L3MBTL3: variants seen among roughly 807,000 people sequenced by gnomAD.
The protein encoded by L3MBTL3 is L3MBTL histone methyl-lysine binding protein 3, also known as lethal(3)malignant brain tumor-like protein 3.
A neutral mutation model predicts 102.3 loss-of-function variants in L3MBTL3; 27 were observed. The ratio of observed to expected loss-of-function variants is 0.26; its 90% CI spans 0.19 to 0.36. L3MBTL3 has a LOEUF of 0.36. L3MBTL3 is among the 10% of genes least tolerant of loss of function. L3MBTL3 has a pLI of 1.00. For synonymous variants in L3MBTL3, 340 were observed against 320.9 expected (o/e 1.06, Z -0.64); for missense variants, 798 against 955.3 (o/e 0.84, Z 2.17).
At chr6:130,138,162 A>G (rs1787905293) in intron 22 of L3MBTL3, 1 of 152,230 alleles carries the variant, frequency 6.6e-6, no homozygotes, top group Non-Finnish European at 1.5e-5. Flanking sequence ...GAAAATCTTA[A>G]GAAGTAGCAA....
intron 1 of L3MBTL3, among the ~76,000 whole-genome samples, chr6:130,019,818 T>C (rs1035525244): frequency 2.1e-4 from 31 of 148,474 alleles, no homozygotes; most frequent in African/African-American, 6.6e-4. Context: ...GGAAAGTGCT[T>C]TGGGAAGCGA....
In L3MBTL3 at chr6:130,141,197, T is replaced by C. The variant is rs1788246158; in HGVS notation, c.*1444T>C. The stretch of plus-strand genomic sequence containing the variant: ...CCACCTCTTCTTTAGTTGCTTTCGT[T>C]TTTTATGATGTAGGACTTCCTTTGA... On this transcript the variant is annotated 3_prime_UTR_variant, in exon 23 of 23. Coordinates refer to ENST00000361794, the MANE Select transcript of L3MBTL3 (RefSeq NM_032438.4). 6.6e-6 allele frequency: 1 copy of C among 152,186 alleles called. No individual in the cohort carries two copies. Among genetic ancestry groups the C allele is most frequent in the African/African-American group, 2.4e-5 (1 of 41,452 alleles). 9.4% of individuals were successfully genotyped at this position (152,186 alleles called of 1,614,324 possible).
At chr6:130,111,613 A>G (rs1480315694) in intron 19 of L3MBTL3, among the ~76,000 whole-genome samples, 1 of 152,256 alleles carries the variant, frequency 6.6e-6, no homozygotes, top group Non-Finnish European at 1.5e-5. Context: ...ATAAGTTAAC[A>G]GTGTGAGGAA....
At position 130,049,584 on chromosome 6, in the gene L3MBTL3, CTT is replaced by C. The variant is rs201927923; in HGVS notation, c.215-170_215-169del. On this transcript the variant is annotated intron_variant, in intron 4 of 22. Coordinates refer to ENST00000361794, the MANE Select transcript of L3MBTL3 (RefSeq NM_032438.4). ...TTTTAAAATAACTATAAACTGTCTT[CTT>C]TGTCCTAATGCCAGATCTGTAGTAG... 483 of 655,596 alleles carry C rather than the reference CTT, an allele frequency of 7.4e-4. 1 individual carries two copies. The highest frequency in any genetic ancestry group is 5.1e-4 in the Non-Finnish European group (204 of 401,672). 40.6% of individuals were successfully genotyped at this position (655,596 alleles called of 1,614,324 possible).
chr6:130,059,975 T>G (rs1200053538), intron 9 of L3MBTL3, 61 bp from the exon 10 acceptor site: 1 of 882,550 alleles, frequency 1.1e-6, no homozygotes, highest in Non-Finnish European at 1.9e-6. Context: ...TGGTAACTAT[T>G]TACATCTTTA....
chr6:130,098,533 C>CA (rs1419318212), intron 18 of L3MBTL3, among the ~76,000 whole-genome samples: 2 of 152,142 alleles, frequency 1.3e-5, no homozygotes, highest in African/African-American at 2.4e-5. Flanking sequence ...TCTTTTTACA[C>CA]AATAGGGGTT....
At chr6:130,042,828 ATG>A in intron 3 of L3MBTL3, 27 bp downstream of exon 3, 1 of 1,385,484 alleles carries the variant, frequency 7.2e-7, no homozygotes, top group Non-Finnish European at 1.0e-6. Flanking sequence ...ACATACAATT[ATG>A]TGTGTGTGCA....
At chr6:130,056,870 C>T (rs1781543249) in intron 8 of L3MBTL3, among the ~76,000 whole-genome samples, 1 of 152,182 alleles carries the variant, frequency 6.6e-6, no homozygotes, top group South Asian at 2.1e-4. Flanking sequence ...CAGGCTATTA[C>T]ATTTTTCCTT....
At chr6:130,079,344 A>G (rs558294738) in intron 14 of L3MBTL3, among the ~76,000 whole-genome samples, 1 of 152,256 alleles carries the variant, frequency 6.6e-6, no homozygotes, top group South Asian at 2.1e-4. Flanking sequence ...CTCTGCCTCT[A>G]GTCATAGAGC....
chr6:130,039,161 A>G (rs1780252339), intron 2 of L3MBTL3, among the ~76,000 whole-genome samples: 1 of 152,128 alleles, frequency 6.6e-6, no homozygotes, highest in African/African-American at 2.4e-5. Flanking sequence ...CGTCTTGACA[A>G]TTGCCAACAC....
At chr6:130,054,785 G>A (rs1306797953) in intron 7 of L3MBTL3, among the ~76,000 whole-genome samples, 1 of 152,176 alleles carries the variant, frequency 6.6e-6, no homozygotes, top group Non-Finnish European at 1.5e-5. Flanking sequence ...AGATGACCTT[G>A]AAAACCCAGG....
chr6:130,099,970 C>T (rs1384727465), intron 18 of L3MBTL3, among the ~76,000 whole-genome samples: 2 of 152,132 alleles, frequency 1.3e-5, no homozygotes, highest in Non-Finnish European at 2.9e-5. Context: ...AGATGGTACT[C>T]TCAGATCAAG....
rs894155311 is a variant in L3MBTL3 at position 130,071,110 on chromosome 6, T to A, written c.1227T>A (p.Asp409Glu). ...TCCTGGTACATTTTGACAACTGGGA[T>A]GAGAGCTATGACTATTGGTGAGACA... ...NRFLVHFDNW[D>E]ESYDYWCEAS... Residue 409 changes from aspartate to glutamate, a missense_variant, in exon 13 of 23, where the codon GAT becomes GAA. By Grantham distance (45) the Asp-to-Glu change is conservative. Around this residue, in one of 4 missense-constraint regions of L3MBTL3, gnomAD observed 434 missense variants for 506.6 expected, o/e 0.86. Transcript: ENST00000361794. The A allele has an allele frequency of 6.2e-7, 1 of 1,611,988 alleles. No individual in the cohort carries two copies. Among genetic ancestry groups the A allele is most frequent in the African/African-American group, 1.3e-5 (1 of 74,964 alleles).
chr6:130,021,659 T>A (rs1229816663), intron 1 of L3MBTL3, among the ~76,000 whole-genome samples: 1 of 152,222 alleles, frequency 6.6e-6, no homozygotes, highest in East Asian at 1.9e-4. Flanking sequence ...AGTTGAGATT[T>A]GTCTTTTATA....
intron 15 of L3MBTL3, among the ~76,000 whole-genome samples, chr6:130,085,280 C>T (rs572270863): frequency 6.6e-6 from 1 of 152,144 alleles, no homozygotes; most frequent in Non-Finnish European, 1.5e-5. Context: ...AGTACTGAGG[C>T]GTAGGTAGCT....
intron 3 of L3MBTL3, 56 bp downstream of exon 3, chr6:130,042,857 C>A: frequency 8.7e-7 from 1 of 1,143,252 alleles, no homozygotes; most frequent in South Asian, 1.3e-5. Context: ...CGTATGCTTA[C>A]TTAAAATTGG....
chr6:130,123,236 T>A (rs1582624531), intron 20 of L3MBTL3, among the ~76,000 whole-genome samples: 2 of 152,268 alleles, frequency 1.3e-5, no homozygotes, highest in Admixed American at 6.5e-5. Flanking sequence ...TATGTCTTTC[T>A]AATTTTTTTC....
chr6:130,049,303 G>A lies in L3MBTL3; in HGVS notation c.124G>A (p.Ala42Thr), dbSNP rs764458892. ...CTAGTTTCGGGTAAATGAGTTTGGA[G>A]CCCTGGAAGTTATTACAGATGAGAA... ...DLKFRVNEFG[A>T]LEVITDENEM... The change falls in exon 4 of 23, where the codon GCC becomes ACC. Residue 42 changes from alanine (A) to threonine (T), a missense_variant. Coordinates refer to ENST00000361794, the MANE Select transcript of L3MBTL3 (RefSeq NM_032438.4). The A allele has an allele frequency of 6.2e-7, 1 of 1,612,720 alleles. No homozygotes were observed. The highest frequency in any genetic ancestry group is 8.5e-7 in the Non-Finnish European group (1 of 1,179,152).
intron 19 of L3MBTL3, among the ~76,000 whole-genome samples, chr6:130,105,366 A>T (rs1387097858): frequency 6.6e-6 from 1 of 152,184 alleles, no homozygotes; most frequent in African/African-American, 2.4e-5. Context: ...TGTTTTCTTT[A>T]TAGAGAAGCA....
Sources: gnomAD v4.1 joint callset for allele counts (sites outside exome capture counted in the v4.1 genomes callset) on GRCh38, gnomAD v4.1.1 for gene constraint, gnomAD v4.1.1 regional missense constraint, MANE v1.5 for transcripts, NCBI Gene and HGNC (gene_info 2026-07-23, HGNC 2026-07-21) for gene names.